Variants in ASB15 observed in about 807,000 individuals in gnomAD.
The protein encoded by ASB15 is ankyrin repeat and SOCS box protein 15.
In ASB15, 54 loss-of-function variants were observed where a neutral mutation model predicts 58.0. The ratio of observed to expected loss-of-function variants is 0.93; its 90% CI spans 0.75 to 1.17. The LOEUF (loss-of-function observed/expected upper bound fraction) is 1.17, where lower values mean the gene tolerates loss of function less well. Among genes scored for constraint, ASB15 ranks in the 50% most tolerant of loss-of-function variants. ASB15 has a pLI of 0.00. For missense variants in ASB15, 680 were observed against 707.4 expected (o/e 0.96, Z 0.44); for synonymous variants, 249 against 262.4 (o/e 0.95, Z 0.50).
intron 1 of ASB15, among the ~76,000 whole-genome samples, chr7:123,581,144 G>A (rs1799223236): frequency 6.6e-6 from 1 of 151,830 alleles, no homozygotes; most frequent in African/African-American, 2.4e-5. Flanking sequence ...GCTCTTTGCG[G>A]AGGAGGAGGT....
At chr7:123,628,228 T>C (rs1211833602) in intron 9 of ASB15, among the ~76,000 whole-genome samples, 5 of 152,228 alleles carry the variant, frequency 3.3e-5, no homozygotes, top group Non-Finnish European at 5.9e-5. Flanking sequence ...TTGCAAGTTA[T>C]ATGGAAGCAG....
In ASB15 at chr7:123,624,397, T is replaced by C. The variant is rs1054769229; in HGVS notation, c.452-172T>C. ...ATCTTGTAAACTTATATTTCACAAATATAAACTTGGGTATGAGAAACAGAA... is the reference window on the plus strand; with the variant it reads ...ATCTTGTAAACTTATATTTCACAAACATAAACTTGGGTATGAGAAACAGAA... On this transcript the variant is annotated intron_variant, in intron 7 of 11. Coordinates refer to ENST00000451215, the MANE Select transcript of ASB15 (RefSeq NM_001290258.2). The C allele has an allele frequency of 5.4e-5, 34 of 633,120 alleles. No individual in the cohort carries two copies. In the African/African-American group the frequency reaches 5.5e-4, roughly 10 times the overall value. 39.2% of individuals were successfully genotyped at this position (633,120 alleles called of 1,614,324 possible).
intron 1 of ASB15, among the ~76,000 whole-genome samples, chr7:123,603,696 C>T (rs78518888): frequency 0.012 from 1,755 of 151,916 alleles, 8 homozygotes; most frequent in Middle Eastern, 0.017. Flanking sequence ...AAAATGCATT[C>T]AATTTTAGCA....
intron 1 of ASB15, among the ~76,000 whole-genome samples, chr7:123,590,812 G>T (rs915311503): frequency 1.3e-5 from 2 of 152,176 alleles, no homozygotes; most frequent in Admixed American, 1.3e-4. Flanking sequence ...GAACTTTAAA[G>T]TAGTTTTTTC....
intron 2 of ASB15, among the ~76,000 whole-genome samples, chr7:123,608,133 A>G (rs73439343): frequency 0.012 from 1,803 of 152,154 alleles, 37 homozygotes; most frequent in African/African-American, 0.041. Context: ...TAGTCCTCAT[A>G]CTAATTTCAT....
chr7:123,616,356 T>C lies in ASB15; in HGVS notation c.161-8T>C, dbSNP rs375150246. 2.5e-6 allele frequency: 4 copies of C among 1,610,176 alleles called. No homozygotes were observed. Among genetic ancestry groups the C allele is most frequent in the East Asian group, 2.2e-5 (1 of 44,792 alleles). On this transcript the variant is annotated splice_region_variant and splice_polypyrimidine_tract_variant and intron_variant, in intron 5 of 11. Coordinates refer to ENST00000451215, the MANE Select transcript of ASB15 (RefSeq NM_001290258.2). Reference sequence around the variant, plus strand: ...GAGATTAGTCATCAGTCCATGTGTTTAATTTAGGTCACATTCCTGAGCTCC... The same window carrying C: ...GAGATTAGTCATCAGTCCATGTGTTCAATTTAGGTCACATTCCTGAGCTCC...
chr7:123,570,449 T>C (rs971140725), intron 1 of ASB15, among the ~76,000 whole-genome samples: 12 of 151,828 alleles, frequency 7.9e-5, no homozygotes, highest in Non-Finnish European at 2.9e-5. Context: ...GTTACTGGTA[T>C]AATATTCATG....
chr7:123,597,068 C>T (rs115332616), upstream of ASB15, among the ~76,000 whole-genome samples: 13 of 152,184 alleles, frequency 8.5e-5, no homozygotes, highest in African/African-American at 3.1e-4. Context: ...CTCTTACACA[C>T]GGTTTTGCTT....
intron 1 of ASB15, among the ~76,000 whole-genome samples, chr7:123,586,865 A>G (rs1362680106): frequency 6.6e-6 from 1 of 151,680 alleles, no homozygotes; most frequent in East Asian, 1.9e-4. Flanking sequence ...TTATACATTT[A>G]TGGGTTTATT....
intron 1 of ASB15, among the ~76,000 whole-genome samples, chr7:123,595,757 C>T (rs1799675067): frequency 6.6e-6 from 1 of 152,138 alleles, no homozygotes; most frequent in African/African-American, 2.4e-5. Context: ...TGTAAATGCT[C>T]TTTAGCTAGT....
chr7:123,574,315 A>G (rs1043543036), intron 1 of ASB15, among the ~76,000 whole-genome samples: 28 of 151,894 alleles, frequency 1.8e-4, no homozygotes, highest in African/African-American at 6.5e-4. Context: ...TTAGCCCAGG[A>G]CAATCTTTTA....
At chr7:123,613,152 A>G (rs1800570310) in intron 3 of ASB15, among the ~76,000 whole-genome samples, 2 of 152,104 alleles carry the variant, frequency 1.3e-5, no homozygotes, top group South Asian at 4.1e-4. Context: ...ATTGCCATTG[A>G]GTTCATGCGC....
chr7:123,632,035 C>G (rs564318092), intron 11 of ASB15, among the ~76,000 whole-genome samples: 144 of 151,646 alleles, frequency 9.5e-4, no homozygotes, highest in African/African-American at 3.2e-3. Flanking sequence ...CCGAGATCGC[C>G]CCACTGCACT....
In ASB15 at chr7:123,627,105, G is replaced by T; in HGVS notation, c.698-5G>T. On this transcript the variant is annotated splice_region_variant and splice_polypyrimidine_tract_variant and intron_variant, in intron 8 of 11. Coordinates refer to ENST00000451215, the MANE Select transcript of ASB15 (RefSeq NM_001290258.2). The stretch of plus-strand genomic sequence containing the variant: ...TTATCATTATGCCACGTTTTATACT[G>T]CCAGGTGGTGATGTGCTTGCTTTGG... 1 of 1,611,330 alleles carries T rather than the reference G, an allele frequency of 6.2e-7. No homozygotes were observed. The highest frequency in any genetic ancestry group is 8.5e-7 in the Non-Finnish European group (1 of 1,178,256).
At chr7:123,588,598 TC>T (rs1799441735) in intron 1 of ASB15, among the ~76,000 whole-genome samples, 1 of 150,974 alleles carries the variant, frequency 6.6e-6, no homozygotes, top group Non-Finnish European at 1.5e-5. Context: ...TTCCTTTCTG[TC>T]TTTTTTCTAC....
chr7:123,586,612 T>C (rs1036660957), intron 1 of ASB15, among the ~76,000 whole-genome samples: 1 of 151,740 alleles, frequency 6.6e-6, no homozygotes, highest in African/African-American at 2.4e-5. Flanking sequence ...TGGTGTCATA[T>C]CCAAAAAATT....
chr7:123,583,068 T>C (rs924198398), intron 1 of ASB15, among the ~76,000 whole-genome samples: 6 of 152,052 alleles, frequency 3.9e-5, no homozygotes, highest in African/African-American at 1.4e-4. Flanking sequence ...TTTAAAATTA[T>C]AGACTGTTCA....
At chr7:123,574,091 G>A (rs903749465) in intron 1 of ASB15, among the ~76,000 whole-genome samples, 1 of 151,984 alleles carries the variant, frequency 6.6e-6, no homozygotes, top group Non-Finnish European at 1.5e-5. Flanking sequence ...TTGTTAGCCT[G>A]TTAAATATCC....
chr7:123,594,974 C>T (rs1420324514), intron 1 of ASB15, among the ~76,000 whole-genome samples: 5 of 152,124 alleles, frequency 3.3e-5, no homozygotes, highest in Middle Eastern at 3.2e-3. Flanking sequence ...TTTGTTTACA[C>T]TGTGAGCATA....
Sources: gnomAD v4.1 joint callset for allele counts (sites outside exome capture counted in the v4.1 genomes callset) on GRCh38, gnomAD v4.1.1 for gene constraint, MANE v1.5 for transcripts, NCBI Gene and HGNC (gene_info 2026-07-23, HGNC 2026-07-21) for gene names.